TPD52: variants seen among roughly 807,000 people sequenced by gnomAD.
The protein encoded by TPD52 is tumor protein D52, also known as prostate and colon associated protein.
Under a neutral mutation model 31.3 loss-of-function variants are expected in TPD52, and 17 were observed. The observed-to-expected ratio is 0.54, with a 90% CI of 0.37 to 0.82. TPD52 has a LOEUF of 0.82. Among genes scored for constraint, TPD52 ranks in the 40% least tolerant of loss-of-function variants. The pLI is 0.00. For missense variants in TPD52, 212 were observed against 240.1 expected, an observed-to-expected ratio of 0.88 and a Z score of 0.77; for synonymous variants, 83 against 89.6, an observed-to-expected ratio of 0.93 and a Z score of 0.42.
At chr8:80,121,387 T>G (rs555745759) in intron 1 of TPD52, among the ~76,000 whole-genome samples, 1 of 152,254 alleles carries the variant, frequency 6.6e-6, no homozygotes, top group Admixed American at 6.5e-5. Flanking sequence ...GCCACATAAT[T>G]CAATTCAATT....
intron 1 of TPD52, among the ~76,000 whole-genome samples, chr8:80,098,190 G>T (rs766391182): frequency 2.6e-5 from 4 of 152,208 alleles, no homozygotes; most frequent in Admixed American, 2.0e-4. Flanking sequence ...ACAAGGAGAT[G>T]AATGTTGTTT....
intron 7 of TPD52, among the ~76,000 whole-genome samples, chr8:80,041,027 C>G (rs1810328181): frequency 6.6e-6 from 1 of 152,080 alleles, no homozygotes. Flanking sequence ...TACAGTGTAA[C>G]TCCTCTTCTG....
intron 7 of TPD52, among the ~76,000 whole-genome samples, chr8:80,041,222 C>T (rs1184692110): frequency 1.3e-5 from 2 of 152,016 alleles, no homozygotes; most frequent in South Asian, 2.1e-4. Context: ...AGTAAACCAC[C>T]GTGGCACGTG....
At position 80,087,144 on chromosome 8, in the gene TPD52, T is replaced by C. The variant is rs571635191; in HGVS notation, c.20-22551A>G. 1.7e-3 allele frequency among the ~76,000 whole-genome samples: 258 copies of C among 151,994 alleles called. 3 individuals carry two copies. The highest frequency in any genetic ancestry group is 4.3e-3 in the Admixed American group (65 of 15,262). Reference sequence around the variant, plus strand: ...AGAGAATGCAGGTGTCCTTTTTTTTTCCCCCCATCAACTTTTAAGTTCCAG... The same window carrying C: ...AGAGAATGCAGGTGTCCTTTTTTTTCCCCCCCATCAACTTTTAAGTTCCAG... On this transcript the variant is annotated intron_variant, in intron 1 of 7. Coordinates refer to ENST00000518937, the MANE Select transcript of TPD52 (RefSeq NM_001025253.3).
chr8:80,079,970 G>A (rs565498290), intron 1 of TPD52, among the ~76,000 whole-genome samples: 2 of 152,194 alleles, frequency 1.3e-5, no homozygotes, highest in South Asian at 2.1e-4. Context: ...GAAAGTTGTC[G>A]TAAATTACCT....
At chr8:80,071,478 C>A (rs1032054763) in intron 1 of TPD52, among the ~76,000 whole-genome samples, 5 of 152,106 alleles carry the variant, frequency 3.3e-5, no homozygotes, top group Non-Finnish European at 7.4e-5. Flanking sequence ...TACTCTTCAA[C>A]CCCCTGCAAC....
intron 1 of TPD52, among the ~76,000 whole-genome samples, chr8:80,159,490 A>T (rs922742241): frequency 6.6e-6 from 1 of 152,194 alleles, no homozygotes; most frequent in Non-Finnish European, 1.5e-5. Flanking sequence ...AGGCTGGGTA[A>T]GGACACGTAC....
At chr8:80,153,705 T>C (rs763186168) in intron 1 of TPD52, among the ~76,000 whole-genome samples, 1 of 152,212 alleles carries the variant, frequency 6.6e-6, no homozygotes, top group Non-Finnish European at 1.5e-5. Flanking sequence ...CAGTAAAATA[T>C]TGGTGATAAA....
chr8:80,139,586 G>A (rs1167201892), intron 1 of TPD52, among the ~76,000 whole-genome samples: 1 of 151,898 alleles, frequency 6.6e-6, no homozygotes, highest in Non-Finnish European at 1.5e-5. Context: ...ATTTGCCTTG[G>A]GGAAAAATTC....
At chr8:80,054,329 A>C (rs1811652660) in intron 2 of TPD52, among the ~76,000 whole-genome samples, 1 of 152,202 alleles carries the variant, frequency 6.6e-6, no homozygotes, top group Non-Finnish European at 1.5e-5. Context: ...AGCTATGAAG[A>C]AAAGGAAAAA....
At chr8:80,068,324 C>T (rs187009811) in intron 1 of TPD52, among the ~76,000 whole-genome samples, 11 of 152,226 alleles carry the variant, frequency 7.2e-5, no homozygotes, top group Admixed American at 2.6e-4. Context: ...TTCTGTCTCT[C>T]GACTCAGCTC....
chr8:80,125,563 T>TA (rs201640252), intron 1 of TPD52, among the ~76,000 whole-genome samples: 13,215 of 147,156 alleles, frequency 0.09, 653 homozygotes, highest in South Asian at 0.22. Flanking sequence ...CCTTTTGATT[T>TA]AAAAAAAAAA....
intron 1 of TPD52, among the ~76,000 whole-genome samples, chr8:80,065,336 A>G (rs1439093758): frequency 1.3e-5 from 2 of 151,510 alleles, no homozygotes; most frequent in Non-Finnish European, 2.9e-5. Flanking sequence ...ATACCCTTAT[A>G]AAAGAATACT....
chr8:80,044,610 C>CACATACAT (rs1055865177), intron 5 of TPD52, among the ~76,000 whole-genome samples: 3 of 152,028 alleles, frequency 2.0e-5, no homozygotes, highest in African/African-American at 7.3e-5. Context: ...CACACATACA[C>CACATACAT]ACACAAGCAA....
chr8:80,141,682 T>C (rs7819328), intron 1 of TPD52, among the ~76,000 whole-genome samples: 97,163 of 152,084 alleles, frequency 0.64, 32,383 homozygotes, highest in African/African-American at 0.84. Flanking sequence ...GAGGCTGAGG[T>C]GGGCAGAACA....
At chr8:80,109,735 C>A (rs113797091) in intron 1 of TPD52, among the ~76,000 whole-genome samples, 2,040 of 152,284 alleles carry the variant, frequency 0.013, 20 homozygotes, top group Middle Eastern at 0.02. Flanking sequence ...ACAAGGATGA[C>A]TACAGAGAGA....
chr8:80,039,763 CA>C (rs906932481), intron 7 of TPD52, among the ~76,000 whole-genome samples: 13 of 151,794 alleles, frequency 8.6e-5, no homozygotes, highest in African/African-American at 2.9e-4. Flanking sequence ...AAAGGGCCCT[CA>C]AACTTCAAAC....
At position 80,147,622 on chromosome 8, in the gene TPD52, G is replaced by A. The variant is rs1313734939; in HGVS notation, c.19+23803C>T. On this transcript the variant is annotated intron_variant, in intron 1 of 7. Transcript: ENST00000518937. Reference sequence around the variant, plus strand: ...ATTCTTTAGCACTACATGTGGCAGCGGCCACCCCAGCTCCCAGCCCCCACC... The same window carrying A: ...ATTCTTTAGCACTACATGTGGCAGCAGCCACCCCAGCTCCCAGCCCCCACC... Among the ~76,000 whole-genome samples the A allele has an allele frequency of 4.6e-5, 7 of 152,088 alleles. No homozygotes were observed. The East Asian group carries it at 1.2e-3, about 25-fold the overall frequency.
At chr8:80,140,754 C>T (rs181646280) in intron 1 of TPD52, among the ~76,000 whole-genome samples, 57 of 152,184 alleles carry the variant, frequency 3.7e-4, no homozygotes, top group Admixed American at 1.0e-3. Flanking sequence ...TTAGCTGCAC[C>T]GCACTCTAGG....
Sources: allele counts gnomAD v4.1 joint callset (sites outside exome capture counted in the v4.1 genomes callset), GRCh38; gene constraint gnomAD v4.1.1; transcripts MANE v1.5; gene names NCBI Gene and HGNC (gene_info 2026-07-23, HGNC 2026-07-21).